Variants in DTNB observed in about 807,000 individuals in gnomAD.
DTNB encodes the protein dystrobrevin beta, also known as DTN-B.
In DTNB, 63 loss-of-function variants were observed where a neutral mutation model predicts 90.7. The observed-to-expected ratio is 0.69, with a 90% CI of 0.57 to 0.86. DTNB has a LOEUF of 0.86. Among genes scored for constraint, DTNB ranks in the 40% least tolerant of loss-of-function variants. The pLI, the probability that DTNB is intolerant of heterozygous loss-of-function variation, is 0.00. For synonymous variants in DTNB, 277 were observed against 286.7 expected (o/e 0.97, Z 0.34); for missense variants, 744 against 807.1 (o/e 0.92, Z 0.95).
intron 6 of DTNB, among the ~76,000 whole-genome samples, chr2:25,587,969 G>C (rs577292383): frequency 2.0e-5 from 3 of 152,138 alleles, no homozygotes; most frequent in East Asian, 3.9e-4. Flanking sequence ...ACTTAATTAA[G>C]CATAATCCTT....
At chr2:25,465,460 G>C (rs1190026715) in intron 10 of DTNB, among the ~76,000 whole-genome samples, 1 of 151,884 alleles carries the variant, frequency 6.6e-6, no homozygotes, top group Non-Finnish European at 1.5e-5. Flanking sequence ...TTTTCTTTAA[G>C]CCTAAAACTA....
chr2:25,407,526 G>A (rs1055374765), intron 16 of DTNB, among the ~76,000 whole-genome samples: 1 of 152,130 alleles, frequency 6.6e-6, no homozygotes, highest in African/African-American at 2.4e-5. Context: ...CAACCTAAGT[G>A]CCCATCAACC....
chr2:25,448,193 G>C (rs1462880986), intron 12 of DTNB, among the ~76,000 whole-genome samples: 4 of 152,186 alleles, frequency 2.6e-5, no homozygotes, highest in African/African-American at 9.7e-5. Flanking sequence ...GTTATGTTTA[G>C]TAGTGTGATT....
At chr2:25,638,786 TTAATAC>T (rs2077610894) in intron 3 of DTNB, among the ~76,000 whole-genome samples, 1 of 152,188 alleles carries the variant, frequency 6.6e-6, no homozygotes, top group African/African-American at 2.4e-5. Context: ...TTAAAGAACA[TTAATAC>T]TACAACAGCC....
intron 1 of DTNB, among the ~76,000 whole-genome samples, chr2:25,669,513 T>C (rs1290693591): frequency 6.6e-6 from 1 of 152,224 alleles, no homozygotes; most frequent in East Asian, 1.9e-4. Flanking sequence ...AGGGAAATTT[T>C]TCATAAATAT....
chr2:25,434,759 T>C (rs1158780815), intron 12 of DTNB, among the ~76,000 whole-genome samples: 1 of 152,238 alleles, frequency 6.6e-6, no homozygotes, highest in Non-Finnish European at 1.5e-5. Flanking sequence ...ATGATAACTA[T>C]AATTAACATC....
rs141514936 is a variant in DTNB, at chr2:25,427,423, G to A, written c.1554+112C>T. ...TAAATTTATCTGAAAACTGATTCTA[G>A]GCTAAAGTCAAGCCTTTGGCCTCAT... is the stretch of plus-strand genomic sequence containing the variant. On this transcript the variant is annotated intron_variant, in intron 15 of 20. Transcript: ENST00000406818. 146 of 1,001,520 alleles carry A rather than the reference G, an allele frequency of 1.5e-4. No homozygotes were observed. The African/African-American group carries it at 2.2e-3, about 15-fold the overall frequency. 62.0% of individuals were successfully genotyped at this position (1,001,520 alleles called of 1,614,324 possible).
chr2:25,444,023 T>C (rs2057993405), intron 12 of DTNB, among the ~76,000 whole-genome samples: 1 of 152,158 alleles, frequency 6.6e-6, no homozygotes, highest in Non-Finnish European at 1.5e-5. Context: ...ATATTTTAAG[T>C]GTGAGGTAGC....
At position 25,560,808 on chromosome 2, in the gene DTNB, C is replaced by G. The variant is rs1374166516; in HGVS notation, c.876+16030G>C. On this transcript the variant is annotated intron_variant, in intron 8 of 20. Coordinates refer to ENST00000406818, the MANE Select transcript of DTNB (RefSeq NM_021907.5). ...CCTAGAGCTTGCAGAGAGAGTGTGGCTCTGCTGACACTTCGATTTCAAACT... is the reference window on the plus strand; with the variant it reads ...CCTAGAGCTTGCAGAGAGAGTGTGGGTCTGCTGACACTTCGATTTCAAACT... Among the ~76,000 whole-genome samples, 3 of 152,162 alleles carry G rather than the reference C, an allele frequency of 2.0e-5. No individual in the cohort carries two copies. In the East Asian group the frequency reaches 5.8e-4, roughly 29 times the overall value.
At chr2:25,554,689 G>A (rs923974775) in intron 8 of DTNB, among the ~76,000 whole-genome samples, 1 of 152,100 alleles carries the variant, frequency 6.6e-6, no homozygotes, top group Admixed American at 6.6e-5. Context: ...GAGGATAACA[G>A]GTGTGGATTC....
At chr2:25,510,578 G>C (rs2073721977) in intron 9 of DTNB, among the ~76,000 whole-genome samples, 1 of 151,822 alleles carries the variant, frequency 6.6e-6, no homozygotes, top group South Asian at 2.1e-4. Context: ...TGCGATCTCG[G>C]CTCACTGCAA....
chr2:25,523,012 C>T (rs745437085), intron 9 of DTNB, among the ~76,000 whole-genome samples: 10 of 152,060 alleles, frequency 6.6e-5, no homozygotes, highest in Non-Finnish European at 1.5e-4. Context: ...GGAGTCCACA[C>T]ATTTTCTAAA....
chr2:25,467,843 G>A (rs2062077978), intron 10 of DTNB, among the ~76,000 whole-genome samples: 1 of 152,166 alleles, frequency 6.6e-6, no homozygotes, highest in East Asian at 1.9e-4. Context: ...TAAGGTTTCT[G>A]TTGCAGCTAC....
chr2:25,439,814 C>A (rs944256662), intron 12 of DTNB, among the ~76,000 whole-genome samples: 1 of 152,042 alleles, frequency 6.6e-6, no homozygotes, highest in African/African-American at 2.4e-5. Flanking sequence ...GGAGGCAGCA[C>A]AATGCTCTAC....
chr2:25,381,861 C>T (rs1021284679), intron 19 of DTNB, among the ~76,000 whole-genome samples: 3 of 152,246 alleles, frequency 2.0e-5, no homozygotes, highest in South Asian at 4.1e-4. Flanking sequence ...TTCCTTGCCC[C>T]GTGAGACTCC....
intron 8 of DTNB, among the ~76,000 whole-genome samples, chr2:25,557,341 C>T (rs1015537688): frequency 6.6e-6 from 1 of 152,094 alleles, no homozygotes; most frequent in African/African-American, 2.4e-5. Flanking sequence ...AATACCAGGA[C>T]AGAAAGCTCG....
intron 9 of DTNB, among the ~76,000 whole-genome samples, chr2:25,529,454 G>T (rs1161692183): frequency 6.6e-6 from 1 of 151,836 alleles, no homozygotes; most frequent in East Asian, 1.9e-4. Context: ...AATGTTGAGA[G>T]GCAGGCAAGG....
At chr2:25,655,818 G>A (rs12621584) in intron 1 of DTNB, among the ~76,000 whole-genome samples, 2 of 151,858 alleles carry the variant, frequency 1.3e-5, no homozygotes, top group African/African-American at 4.8e-5. Flanking sequence ...TTTTGTTCCC[G>A]GCATGGCACG....
At position 25,445,598 on chromosome 2, in the gene DTNB, C is replaced by T. The variant is rs535101807; in HGVS notation, c.1257+5950G>A. On this transcript the variant is annotated intron_variant, in intron 12 of 20. Transcript: ENST00000406818. ...TTAATATGGTCCTGCATGAGCCCGC[C>T]TGTCTGACTTCATTCCAGCATTGTT... Among the ~76,000 whole-genome samples, 29 of 152,326 alleles carry T rather than the reference C, an allele frequency of 1.9e-4. 2 individuals are homozygous for T. The highest frequency in any genetic ancestry group is 1.4e-3 in the South Asian group (7 of 4,828).
Sources: gnomAD v4.1 joint callset for allele counts (sites outside exome capture counted in the v4.1 genomes callset) on GRCh38, gnomAD v4.1.1 for gene constraint, MANE v1.5 for transcripts, NCBI Gene and HGNC (gene_info 2026-07-23, HGNC 2026-07-21) for gene names.